The following RALGAPA2 variants were observed in gnomAD, a reference collection of about 807,000 sequenced individuals.
The protein encoded by RALGAPA2 is Ral GTPase activating protein catalytic subunit alpha 2.
Under a neutral mutation model 230.4 loss-of-function variants are expected in RALGAPA2, and 139 were observed. That is an observed-to-expected ratio of 0.60 (90% confidence interval 0.53 to 0.69). RALGAPA2 has a LOEUF of 0.69. RALGAPA2 is among the 30% of genes least tolerant of loss of function. RALGAPA2 has a pLI of 0.00. For missense variants in RALGAPA2, 2,163 were observed against 2,276.0 expected, an observed-to-expected ratio of 0.95 and a Z score of 1.01; for synonymous variants, 847 against 837.8, an observed-to-expected ratio of 1.01 and a Z score of -0.19.
intron 4 of RALGAPA2, among the ~76,000 whole-genome samples, chr20:20,648,046 C>T (rs907760269): frequency 2.6e-5 from 4 of 152,148 alleles, no homozygotes; most frequent in Non-Finnish European, 5.9e-5. Context: ...TTTATAGTAG[C>T]TTTACTTATA....
intron 27 of RALGAPA2, among the ~76,000 whole-genome samples, chr20:20,529,024 G>T (rs138354452): frequency 3.4e-4 from 52 of 152,270 alleles, no homozygotes; most frequent in African/African-American, 1.1e-3. Flanking sequence ...TCATTTCTTC[G>T]ATTTATGTGC....
intron 10 of RALGAPA2, among the ~76,000 whole-genome samples, chr20:20,627,725 T>C (rs908769132): frequency 6.6e-6 from 1 of 152,244 alleles, no homozygotes; most frequent in African/African-American, 2.4e-5. Context: ...AGCATTGCAT[T>C]ATGCTTTCCG....
chr20:20,669,207 T>G lies in RALGAPA2; in HGVS notation c.270+7029A>C, dbSNP rs116920416. Among the ~76,000 whole-genome samples, 92 of 152,346 alleles carry G rather than the reference T, an allele frequency of 6.0e-4. 1 individual carries two copies. In the East Asian group the frequency reaches 0.017, roughly 28 times the overall value. On this transcript the variant is annotated intron_variant, in intron 3 of 39. Transcript: ENST00000202677. ...GGGAGGGTGAGGAAATATCAAATTC[T>G]ATAAACTTTCTAAAACATACATGTA...
chr20:20,635,661 T>C (rs763878654), intron 8 of RALGAPA2, 44 bp from the exon 9 acceptor site: 27 of 1,409,368 alleles, frequency 1.9e-5, no homozygotes, highest in African/African-American at 3.0e-5. Flanking sequence ...TAATAAATCA[T>C]AACATTAAGT....
chr20:20,578,852 C>G (rs868113722), intron 20 of RALGAPA2, among the ~76,000 whole-genome samples: 5 of 152,202 alleles, frequency 3.3e-5, no homozygotes, highest in Non-Finnish European at 7.3e-5. Context: ...TGCAGCCTGG[C>G]TCTCCTCTCC....
intron 39 of RALGAPA2, among the ~76,000 whole-genome samples, chr20:20,393,972 C>G (rs979498487): frequency 6.6e-5 from 10 of 152,118 alleles, no homozygotes; most frequent in Non-Finnish European, 1.2e-4. Context: ...ATTTCATCAC[C>G]CTTCCCCTCG....
chr20:20,518,338 G>A (rs184737441), intron 31 of RALGAPA2, among the ~76,000 whole-genome samples: 5 of 152,202 alleles, frequency 3.3e-5, no homozygotes, highest in East Asian at 1.9e-4. Context: ...TACAGGCGTC[G>A]GCCACCACGC....
At chr20:20,442,584 C>T (rs2060761740) in intron 37 of RALGAPA2, among the ~76,000 whole-genome samples, 1 of 152,212 alleles carries the variant, frequency 6.6e-6, no homozygotes, top group African/African-American at 2.4e-5. Context: ...AGTTTTGCTC[C>T]CTGATCATTT....
At position 20,391,124 on chromosome 20, in the gene RALGAPA2, G is replaced by A. The variant is rs987394649; in HGVS notation, c.*2165C>T. 2.0e-5 allele frequency: 3 copies of A among 152,150 alleles called. No homozygotes were observed. Among genetic ancestry groups the A allele is most frequent in the Non-Finnish European group, 2.9e-5 (2 of 68,032 alleles). The allele number at this position is 152,150 out of a possible 1,614,324, so 9.4% of individuals were successfully genotyped here. On this transcript the variant is annotated 3_prime_UTR_variant, in exon 40 of 40. Coordinates refer to ENST00000202677, the MANE Select transcript of RALGAPA2 (RefSeq NM_020343.4). ...GAAGATGAAACGTTCTCCCAGAGGC[G>A]ACCTGCTGGTAGAGACCTACAGGGG... is the stretch of plus-strand genomic sequence containing the variant.
At chr20:20,518,337 C>T (rs772990529) in intron 31 of RALGAPA2, among the ~76,000 whole-genome samples, 1 of 152,120 alleles carries the variant, frequency 6.6e-6, no homozygotes, top group Non-Finnish European at 1.5e-5. Context: ...TTACAGGCGT[C>T]GGCCACCACG....
chr20:20,400,345 C>G (rs893074659), intron 38 of RALGAPA2, among the ~76,000 whole-genome samples: 5 of 152,150 alleles, frequency 3.3e-5, no homozygotes, highest in African/African-American at 1.2e-4. Flanking sequence ...ACCCTTGGTT[C>G]AGAAGCCGAA....
At chr20:20,401,720 G>C (rs759074096) in intron 38 of RALGAPA2, among the ~76,000 whole-genome samples, 1 of 152,176 alleles carries the variant, frequency 6.6e-6, no homozygotes, top group Non-Finnish European at 1.5e-5. Flanking sequence ...GGTGTCTGAG[G>C]AAACATTGCA....
At chr20:20,432,754 C>T (rs2060526915) in intron 37 of RALGAPA2, among the ~76,000 whole-genome samples, 1 of 152,030 alleles carries the variant, frequency 6.6e-6, no homozygotes, top group African/African-American at 2.4e-5. Context: ...GAATTCTAAT[C>T]TCTCCAAATA....
intron 1 of RALGAPA2, among the ~76,000 whole-genome samples, chr20:20,697,330 C>CA (rs1408681266): frequency 6.6e-6 from 1 of 151,728 alleles, no homozygotes. Flanking sequence ...ACCTCCATCT[C>CA]AAAAAAAATT....
At chr20:20,578,861 CCTT>C (rs2064899951) in intron 20 of RALGAPA2, among the ~76,000 whole-genome samples, 2 of 152,178 alleles carry the variant, frequency 1.3e-5, no homozygotes, top group South Asian at 4.1e-4. Context: ...GCTCTCCTCT[CCTT>C]CTTCCACTCC....
chr20:20,406,379 A>G (rs2059945821), intron 38 of RALGAPA2, among the ~76,000 whole-genome samples: 1 of 152,194 alleles, frequency 6.6e-6, no homozygotes, highest in Admixed American at 6.5e-5. Flanking sequence ...CAAGAAGAAT[A>G]CATCTTAAAT....
chr20:20,650,363 T>G (rs1225845475), intron 4 of RALGAPA2, among the ~76,000 whole-genome samples: 1 of 152,226 alleles, frequency 6.6e-6, no homozygotes, highest in South Asian at 2.1e-4. Flanking sequence ...ACTATTTTCT[T>G]CCTTCTCAGG....
At chr20:20,593,077 C>T (rs1165290254) in intron 16 of RALGAPA2, among the ~76,000 whole-genome samples, 1 of 152,082 alleles carries the variant, frequency 6.6e-6, no homozygotes, top group East Asian at 1.9e-4. Flanking sequence ...ACCACTATAC[C>T]CAAAAAATTT....
At chr20:20,680,863 C>T in intron 1 of RALGAPA2, 62 bp from the exon 2 acceptor site, 1 of 1,505,254 alleles carries the variant, frequency 6.6e-7, no homozygotes. Context: ...AATTTAGAAA[C>T]AAACTTCTCA....
Sources: allele counts gnomAD v4.1 joint callset (sites outside exome capture counted in the v4.1 genomes callset), GRCh38; gene constraint gnomAD v4.1.1; transcripts MANE v1.5; gene names NCBI Gene and HGNC (gene_info 2026-07-23, HGNC 2026-07-21).